Variants in PLCH1 observed in about 807,000 individuals in gnomAD.
PLCH1 encodes the protein 1-phosphatidylinositol 4,5-bisphosphate phosphodiesterase eta-1.
Under a neutral mutation model 126.7 loss-of-function variants are expected in PLCH1, and 60 were observed. The observed-to-expected ratio is 0.47, with a 90% CI of 0.38 to 0.59. PLCH1 has a LOEUF of 0.59. Among genes scored for constraint, PLCH1 ranks in the 20% least tolerant of loss-of-function variants. The pLI is 0.00. For missense variants in PLCH1, 1,723 were observed against 2,040.0 expected, an observed-to-expected ratio of 0.84 and a Z score of 2.99; for synonymous variants, 719 against 734.9, an observed-to-expected ratio of 0.98 and a Z score of 0.35.
rs148407866 is a variant in PLCH1 at position 155,482,329 on chromosome 3, C to T, written c.3697G>A (p.Gly1233Ser). 8.2e-5 allele frequency: 133 copies of T among 1,614,152 alleles called. No homozygotes were observed. The African/African-American group carries it at 1.5e-3, about 18-fold the overall frequency. ...SLGLKMPIKH[G>S]FCKGKSKSSF... ...GACTTGGATTTTCCCTTGCAAAAAC[C>T]ATGCTTGATGGGCATTTTTAGGCCC... The change falls in exon 23 of 23, where the codon GGT (glycine) becomes AGT (serine). Residue 1233 changes from glycine (G) to serine (S), a missense_variant. Gly to Ser is a moderately conservative substitution (Grantham distance 56). Coordinates refer to ENST00000460012, the MANE Select transcript of PLCH1 (RefSeq NM_014996.4).
chr3:155,481,380 T>G lies in PLCH1; in HGVS notation c.4646A>C (p.Asn1549Thr). 6.2e-7 allele frequency: 1 copy of G among 1,614,212 alleles called. No homozygotes were observed. Among genetic ancestry groups the G allele is most frequent in the Non-Finnish European group, 8.5e-7 (1 of 1,180,036 alleles). Residue 1549 changes from asparagine to threonine, a missense_variant, in exon 23 of 23, where the codon AAC becomes ACC. Physicochemically the swap from Asn to Thr is moderately conservative, Grantham distance 65. Around this residue, in one of 2 missense-constraint regions of PLCH1, gnomAD observed 947 missense variants for 977.1 expected, o/e 0.97. Transcript: ENST00000460012. This position sits in a 1 kb window ranked among gnomAD's most constrained non-coding sequence, Gnocchi z 4.2. ...CTGCTTTGAATATAGCACTTGGCAGTTGTCTTCCTGGTCAAAGGACACAAG... is the reference window on the plus strand; with the variant it reads ...CTGCTTTGAATATAGCACTTGGCAGGTGTCTTCCTGGTCAAAGGACACAAG... ...RKLVSFDQED[N>T]CQVLYSKQDA...
chr3:155,466,814 C>T (rs976552696), intron 21 of PLCH1, among the ~76,000 whole-genome samples: 2 of 152,074 alleles, frequency 1.3e-5, no homozygotes, highest in African/African-American at 4.8e-5. Context: ...TTAGAAAAAT[C>T]AAGCAGAAAT....
chr3:155,503,307 T>C (rs67476117), intron 13 of PLCH1, among the ~76,000 whole-genome samples: 23,417 of 152,066 alleles, frequency 0.15, 2,341 homozygotes, highest in African/African-American at 0.29. Context: ...AATTTAATAT[T>C]GATGGAATAA....
chr3:155,680,636 AATGAAGTC>A (rs1306304841), intron 2 of PLCH1, among the ~76,000 whole-genome samples: 10 of 152,218 alleles, frequency 6.6e-5, no homozygotes, highest in Admixed American at 3.3e-4. Context: ...TAACAAACTT[AATGAAGTC>A]ATCAGGCAAG....
intron 21 of PLCH1, among the ~76,000 whole-genome samples, chr3:155,473,401 A>T (rs1713375160): frequency 6.6e-6 from 1 of 152,176 alleles, no homozygotes; most frequent in Non-Finnish European, 1.5e-5. Context: ...GAGAACTACA[A>T]ACTGCTGCTC....
At chr3:155,691,421 T>G (rs1192657205) in intron 2 of PLCH1, among the ~76,000 whole-genome samples, 2 of 152,204 alleles carry the variant, frequency 1.3e-5, no homozygotes, top group African/African-American at 4.8e-5. Context: ...CTCTTTGTGT[T>G]CCCCTTAAGA....
chr3:155,492,918 T>C lies in PLCH1; in HGVS notation c.2183-65A>G. 3.0e-6 allele frequency: 4 copies of C among 1,336,684 alleles called. No individual in the cohort carries two copies. The East Asian group carries it at 1.1e-4, about 36-fold the overall frequency. 82.8% of individuals were successfully genotyped at this position (1,336,684 alleles called of 1,614,324 possible). On this transcript the variant is annotated intron_variant, in intron 17 of 22. Transcript: ENST00000460012. ...ACACACACGCATGCACAGCTTAAGC[T>C]TGTAAACAAAGAAACAAACAAACAA...
intron 2 of PLCH1, among the ~76,000 whole-genome samples, chr3:155,596,875 T>C (rs1054534949): frequency 3.3e-5 from 5 of 152,188 alleles, no homozygotes; most frequent in Admixed American, 1.3e-4. Flanking sequence ...TGTTTGAAAA[T>C]AGCTAAATAA....
At chr3:155,594,364 A>G (rs956992989) in intron 3 of PLCH1, among the ~76,000 whole-genome samples, 180 bp from the exon 4 acceptor site, 3 of 152,040 alleles carry the variant, frequency 2.0e-5, no homozygotes, top group African/African-American at 7.2e-5. Flanking sequence ...TGAGCTCAGG[A>G]GTTCGAGACC....
At chr3:155,595,517 C>A (rs988646823) in intron 3 of PLCH1, among the ~76,000 whole-genome samples, 1 of 152,084 alleles carries the variant, frequency 6.6e-6, no homozygotes. Flanking sequence ...CATCAGTGGC[C>A]CCCAGGTTCT....
chr3:155,479,285 T>TCC (rs890412179), downstream of PLCH1, among the ~76,000 whole-genome samples: 2 of 152,010 alleles, frequency 1.3e-5, no homozygotes, highest in African/African-American at 2.4e-5. Flanking sequence ...GATTCAGAAC[T>TCC]CCCAAGAAAA....
intron 21 of PLCH1, among the ~76,000 whole-genome samples, chr3:155,470,009 C>G (rs984338295): frequency 6.6e-6 from 1 of 152,098 alleles, no homozygotes; most frequent in East Asian, 1.9e-4. Context: ...AACTCTAAAA[C>G]GCAGAACGCC....
intron 6 of PLCH1, among the ~76,000 whole-genome samples, chr3:155,583,106 T>TAA (rs961472372): frequency 6.7e-6 from 1 of 150,006 alleles, no homozygotes; most frequent in Non-Finnish European, 1.5e-5. Context: ...AAATTTATAC[T>TAA]AATATGAATT....
chr3:155,664,385 T>C (rs983263755), intron 2 of PLCH1, among the ~76,000 whole-genome samples: 1 of 152,196 alleles, frequency 6.6e-6, no homozygotes, highest in South Asian at 2.1e-4. Context: ...GGTTCTATAA[T>C]AAACAATAAA....
intron 19 of PLCH1, among the ~76,000 whole-genome samples, chr3:155,489,756 G>T (rs1234342804): frequency 6.6e-6 from 1 of 152,128 alleles, no homozygotes; most frequent in Non-Finnish European, 1.5e-5. Flanking sequence ...AAAAATTCAA[G>T]TACTCCATAA....
At chr3:155,589,572 T>A (rs1479647793) in intron 4 of PLCH1, among the ~76,000 whole-genome samples, 1 of 152,124 alleles carries the variant, frequency 6.6e-6, no homozygotes, top group African/African-American at 2.4e-5. Context: ...ATAACATACA[T>A]AACAGGTGGC....
chr3:155,714,051 C>T (rs1425733017), intron 1 of PLCH1, among the ~76,000 whole-genome samples: 1 of 152,098 alleles, frequency 6.6e-6, no homozygotes, highest in African/African-American at 2.4e-5. Flanking sequence ...CAGTAATATT[C>T]ATAAAACAAC....
At chr3:155,467,733 A>G (rs1181909190) in intron 21 of PLCH1, among the ~76,000 whole-genome samples, 2 of 152,226 alleles carry the variant, frequency 1.3e-5, no homozygotes, top group African/African-American at 4.8e-5. Context: ...CTCTTACCCT[A>G]AAATAGTATA....
intron 2 of PLCH1, among the ~76,000 whole-genome samples, chr3:155,680,487 T>C (rs1022445765): frequency 1.3e-5 from 2 of 152,184 alleles, no homozygotes; most frequent in African/African-American, 2.4e-5. Context: ...AGGGTGCAGC[T>C]TCGCCATTGA....
Sources: gnomAD v4.1 joint callset for allele counts (sites outside exome capture counted in the v4.1 genomes callset) on GRCh38, gnomAD v4.1.1 for gene constraint, gnomAD v4.1.1 regional missense constraint, Gnocchi (gnomAD v3.1) non-coding constraint, MANE v1.5 for transcripts, NCBI Gene and HGNC (gene_info 2026-07-23, HGNC 2026-07-21) for gene names.